RFC5: variants seen among roughly 807,000 people sequenced by gnomAD.
The protein encoded by RFC5 is replication factor C subunit 5.
RFC5 carries 26 observed loss-of-function variants against 44.3 expected under a neutral mutation model. The observed-to-expected ratio is 0.59, with a 90% confidence interval of 0.43 to 0.81. The LOEUF (loss-of-function observed/expected upper bound fraction) is 0.81, where lower values mean the gene tolerates loss of function less well. Among genes scored for constraint, RFC5 ranks in the 40% least tolerant of loss-of-function variants. RFC5 has a pLI of 0.00. For missense variants in RFC5, 328 were observed against 418.6 expected, an observed-to-expected ratio of 0.78 and a Z score of 1.89; for synonymous variants, 155 against 155.2, an observed-to-expected ratio of 1.00 and a Z score of 0.01.
chr12:118,019,799 A>C lies in RFC5; in HGVS notation c.267+31A>C, dbSNP rs1023626953. 1.9e-5 allele frequency: 29 copies of C among 1,560,274 alleles called. No individual in the cohort carries two copies. Among genetic ancestry groups the C allele is most frequent in the African/African-American group, 2.7e-5 (2 of 73,058 alleles). Reference sequence around the variant, plus strand: ...TAAGATTGTTCTTACTCTACAAATAACTTAAGAGACTCCAGTCTCTTAATT... The same window carrying C: ...TAAGATTGTTCTTACTCTACAAATACCTTAAGAGACTCCAGTCTCTTAATT... On this transcript the variant is annotated intron_variant, in intron 3 of 10. Transcript: ENST00000454402. This position sits in a 1 kb window ranked among gnomAD's most constrained non-coding sequence, Gnocchi z 4.2.
Position 118,017,090 on chromosome 12 carries a change from T to G in RFC5, c.65+198T>G, listed in dbSNP as rs2030139701. On this transcript the variant is annotated intron_variant, in intron 1 of 10. Transcript: ENST00000454402. ...GACTCGTCCGTTCTGTTTAGGGCTT[T>G]TGCCAGTTCTCACCCTTTCACCCCC... Among the ~76,000 whole-genome samples, 3 of 152,128 alleles carry G rather than the reference T, an allele frequency of 2.0e-5. No homozygotes were observed. In the South Asian group the frequency reaches 6.2e-4, roughly 32 times the overall value.
rs1388138650 is a variant in RFC5 at position 118,025,846 on chromosome 12, TC to T, written c.663+20del. On this transcript the variant is annotated intron_variant, in intron 7 of 10. Coordinates refer to ENST00000454402, the MANE Select transcript of RFC5 (RefSeq NM_007370.7). ...TTTTGCAGGTATGGTCTCAAGCAAA[TC>T]CTTTTTTTTTTTTTTTTTTGAGACA... is the stretch of plus-strand genomic sequence containing the variant. 1.5e-5 allele frequency: 20 copies of T among 1,325,214 alleles called. No individual in the cohort carries two copies. In the African/African-American group the frequency reaches 2.5e-4, roughly 17 times the overall value. The allele number at this position is 1,325,214 out of a possible 1,614,324, so 82.1% of individuals were successfully genotyped here.
chr12:118,019,961 G>A lies in RFC5; in HGVS notation c.267+193G>A, dbSNP rs1593437370. On this transcript the variant is annotated intron_variant, in intron 3 of 10. Transcript: ENST00000454402. The surrounding 1 kb of genome is among the most constrained non-coding windows in gnomAD (Gnocchi z 4.2). ...CTGGATTAGCGTTGGTCAGCTAGAG[G>A]GCAGTTGTAGGGTTTGGCACCTTTT... Among the ~76,000 whole-genome samples, 1 of 152,102 alleles carries A rather than the reference G, an allele frequency of 6.6e-6. No homozygotes were observed. The highest frequency in any genetic ancestry group is 2.4e-5 in the African/African-American group (1 of 41,398).
At chr12:118,028,950 G>A (rs1193235663) in intron 9 of RFC5, among the ~76,000 whole-genome samples, 2 of 152,268 alleles carry the variant, frequency 1.3e-5, no homozygotes, top group Admixed American at 6.5e-5. Flanking sequence ...GCAAGATGGA[G>A]ACTTAACCGG....
rs529564174 is a variant in RFC5, at chr12:118,019,225, C to A, written c.130+89C>A. 25 of 930,308 alleles carry A rather than the reference C, an allele frequency of 2.7e-5. No individual in the cohort carries two copies. The East Asian group carries it at 5.1e-4, about 19-fold the overall frequency. The allele number at this position is 930,308 out of a possible 1,614,324, so 57.6% of individuals were successfully genotyped here. A position where few individuals can be genotyped will look rare whatever the true frequency, so the allele number is the denominator to read the frequency against. ...TGTTGTCTCTCCTAAGTAATAACTT[C>A]AAAGAATCTGATTGCGCTTTGTAGA... On this transcript the variant is annotated intron_variant, in intron 2 of 10. Transcript: ENST00000454402. This position sits in a 1 kb window ranked among gnomAD's most constrained non-coding sequence, Gnocchi z 4.2.
In RFC5 at chr12:118,029,764, C is replaced by T; in HGVS notation, c.872-7C>T. ...ACCTAACTCATTTGATTTTGTTTTT[C>T]CCTCAGTTGACTTTCCATCTTCAGT... On this transcript the variant is annotated splice_region_variant and splice_polypyrimidine_tract_variant and intron_variant, in intron 9 of 10. Coordinates refer to ENST00000454402, the MANE Select transcript of RFC5 (RefSeq NM_007370.7). 1.2e-6 allele frequency: 2 copies of T among 1,600,336 alleles called. No individual in the cohort carries two copies. Among genetic ancestry groups the T allele is most frequent in the South Asian group, 1.1e-5 (1 of 90,794 alleles).
intron 8 of RFC5, 135 bp downstream of exon 8, chr12:118,027,153 G>A: frequency 1.2e-6 from 1 of 853,420 alleles, no homozygotes; most frequent in Non-Finnish European, 1.9e-6. Flanking sequence ...TTGTGGGAGT[G>A]AGATGTCTGT....
At position 118,019,790 on chromosome 12, in the gene RFC5, C is replaced by T. The variant is rs775750034; in HGVS notation, c.267+22C>T. The T allele has an allele frequency of 4.4e-6, 7 of 1,594,628 alleles. No homozygotes were observed. The highest frequency in any genetic ancestry group is 6.0e-6 in the Non-Finnish European group (7 of 1,167,192). On this transcript the variant is annotated intron_variant, in intron 3 of 10. Coordinates refer to ENST00000454402, the MANE Select transcript of RFC5 (RefSeq NM_007370.7). The surrounding 1 kb of genome is among the most constrained non-coding windows in gnomAD (Gnocchi z 4.2). Reference sequence around the variant, plus strand: ...GGAGGTAAATAAGATTGTTCTTACTCTACAAATAACTTAAGAGACTCCAGT... The same window carrying T: ...GGAGGTAAATAAGATTGTTCTTACTTTACAAATAACTTAAGAGACTCCAGT...
chr12:118,025,297 T>C, intron 6 of RFC5: 2 of 377,326 alleles, frequency 5.3e-6, no homozygotes, highest in Non-Finnish European at 9.6e-6. Context: ...TGCAGGCTGC[T>C]GAGTCCCTTC....
rs1426660362 is a variant in RFC5 at position 118,027,949 on chromosome 12, C to T, written c.794-4C>T. The T allele has an allele frequency of 1.9e-6, 3 of 1,591,940 alleles. No individual in the cohort carries two copies. In the Admixed American group the frequency reaches 5.0e-5, roughly 27 times the overall value. On this transcript the variant is annotated splice_region_variant and splice_polypyrimidine_tract_variant and intron_variant, in intron 8 of 10. Transcript: ENST00000454402. ...TGTTCCCTTTGCCTTAACTGCTCCT[C>T]TAGATATTACAGAGTTGAAAACTCT...
chr12:118,036,414 G>A (rs1365244330), downstream of RFC5: 3 of 1,614,206 alleles, frequency 1.9e-6, no homozygotes, highest in Non-Finnish European at 1.7e-6. Flanking sequence ...GTGACAAGCA[G>A]GGCAGAGTCG....
intron 4 of RFC5, among the ~76,000 whole-genome samples, chr12:118,021,686 G>C (rs1461674890): frequency 6.6e-6 from 1 of 151,210 alleles, no homozygotes; most frequent in African/African-American, 2.4e-5. Flanking sequence ...GCCGGGCGCA[G>C]TGGCTCACAC....
downstream of RFC5, chr12:118,034,205 C>G: frequency 6.2e-7 from 1 of 1,614,170 alleles, no homozygotes; most frequent in Non-Finnish European, 8.5e-7. Flanking sequence ...CTTAAAAAGT[C>G]CTGTATGTGA....
At position 118,019,673 on chromosome 12, in the gene RFC5, C is replaced by T. The variant is rs1300160685; in HGVS notation, c.172C>T (p.Leu58Phe). 6.2e-7 allele frequency: 1 copy of T among 1,613,974 alleles called. No individual in the cohort carries two copies. The highest frequency in any genetic ancestry group is 8.5e-7 in the Non-Finnish European group (1 of 1,179,958). ...TGAAGACCGACTGCCACACTTGCTT[C>T]TCTACGGTCCCCCAGGGACAGGCAA... The part of the protein sequence containing the change: ...INEDRLPHLL[L>F]YGPPGTGKTS... Residue 58 changes from leucine to phenylalanine, a missense_variant, in exon 3 of 11, where the codon CTC (leucine) becomes TTC (phenylalanine). Physicochemically the swap from Leu to Phe is conservative, Grantham distance 22. Coordinates refer to ENST00000454402, the MANE Select transcript of RFC5 (RefSeq NM_007370.7). The surrounding 1 kb of genome is among the most constrained non-coding windows in gnomAD (Gnocchi z 4.2).
chr12:118,034,659 C>T (rs61943488), downstream of RFC5: 9,407 of 490,906 alleles, frequency 0.019, 134 homozygotes, highest in Middle Eastern at 0.033. Context: ...GTGCCACCTA[C>T]TGAATTATAG....
At chr12:118,020,113 C>T (rs1326056228) in intron 3 of RFC5, among the ~76,000 whole-genome samples, 2 of 152,308 alleles carry the variant, frequency 1.3e-5, no homozygotes. Flanking sequence ...AAGGCTGAGC[C>T]CTACTGACTA....
At position 118,026,972 on chromosome 12, in the gene RFC5, C is replaced by G; in HGVS notation, c.747C>G (p.Asn249Lys). 1 of 1,613,992 alleles carries G rather than the reference C, an allele frequency of 6.2e-7. No homozygotes were observed. Among genetic ancestry groups the G allele is most frequent in the South Asian group, 1.1e-5 (1 of 91,078 alleles). Residue 249 changes from asparagine (N) to lysine (K), a missense_variant, in exon 8 of 11, where the codon AAC (asparagine) becomes AAG (lysine). By Grantham distance (94) the Asn-to-Lys change is moderately conservative (BLOSUM62 0). Transcript: ENST00000454402. ...TGHPLKSDIA[N>K]ILDWMLNQDF... ...ACCCGCTCAAGTCAGACATTGCCAA[C>G]ATCCTGGACTGGATGTTGAATCAAG...
intron 9 of RFC5, among the ~76,000 whole-genome samples, chr12:118,028,703 AAAGAG>A (rs2031125727): frequency 6.6e-6 from 1 of 152,126 alleles, no homozygotes; most frequent in South Asian, 2.1e-4. Context: ...CCCAGAAAAG[AAAGAG>A]AAGATATGTA....
intron 1 of RFC5, 93 bp from the exon 2 acceptor site, chr12:118,018,979 A>T: frequency 1.0e-6 from 1 of 956,154 alleles, no homozygotes; most frequent in Non-Finnish European, 1.6e-6. Flanking sequence ...GATTACAGGC[A>T]TGAGCCACTG....
Sources: gnomAD v4.1 joint callset for allele counts (sites outside exome capture counted in the v4.1 genomes callset) on GRCh38, gnomAD v4.1.1 for gene constraint, Gnocchi (gnomAD v3.1) non-coding constraint, MANE v1.5 for transcripts, NCBI Gene and HGNC (gene_info 2026-07-23, HGNC 2026-07-21) for gene names.